PTPRN2: variants seen among roughly 807,000 people sequenced by gnomAD.
The protein encoded by PTPRN2 is protein tyrosine phosphatase receptor type N2, also known as receptor-type tyrosine-protein phosphatase N2.
In PTPRN2, 74 loss-of-function variants were observed where a neutral mutation model predicts 118.8. That is an observed-to-expected ratio of 0.62 (90% CI 0.52 to 0.76). The LOEUF is 0.76. Ranked by LOEUF, PTPRN2 falls within the 30% of genes least tolerant of loss-of-function variation. The pLI is 0.00. For missense variants in PTPRN2, 1,481 were observed against 1,394.4 expected, an observed-to-expected ratio of 1.06 and a Z score of -0.99; for synonymous variants, 641 against 608.0, an observed-to-expected ratio of 1.05 and a Z score of -0.80.
chr7:157,663,339 C>A (rs1334947064), intron 13 of PTPRN2, among the ~76,000 whole-genome samples: 1 of 152,186 alleles, frequency 6.6e-6, no homozygotes, highest in African/African-American at 2.4e-5. Context: ...CCTGCACGTG[C>A]CCCTGGGAAG....
intron 11 of PTPRN2, among the ~76,000 whole-genome samples, chr7:158,080,396 C>G (rs569525511): frequency 6.7e-6 from 1 of 150,294 alleles, no homozygotes. Context: ...TGTCATTTCC[C>G]GCTGTGGCTG....
chr7:157,818,372 C>T (rs944888319), intron 12 of PTPRN2, among the ~76,000 whole-genome samples: 32 of 151,364 alleles, frequency 2.1e-4, no homozygotes, highest in African/African-American at 7.4e-4. Flanking sequence ...GGAAATGACA[C>T]GGGGGCTGTG....
chr7:158,337,337 TAA>T (rs1249055261), intron 2 of PTPRN2, among the ~76,000 whole-genome samples: 673 of 144,822 alleles, frequency 4.6e-3, no homozygotes, highest in African/African-American at 0.017. Flanking sequence ...ACTGTCACCC[TAA>T]GAGGTGACAC....
intron 3 of PTPRN2, among the ~76,000 whole-genome samples, chr7:158,245,860 G>T (rs1796213097): frequency 6.6e-6 from 1 of 152,012 alleles, no homozygotes; most frequent in Admixed American, 6.6e-5. Flanking sequence ...TTATCCCTAT[G>T]CTGACTCACA....
chr7:158,150,751 C>A (rs981187428), intron 6 of PTPRN2, among the ~76,000 whole-genome samples: 1 of 151,952 alleles, frequency 6.6e-6, no homozygotes, highest in Non-Finnish European at 1.5e-5. Flanking sequence ...CTTTCCTGGT[C>A]TGTGAGACGC....
chr7:158,514,358 C>G (rs573252970), intron 1 of PTPRN2, among the ~76,000 whole-genome samples: 4 of 152,162 alleles, frequency 2.6e-5, no homozygotes, highest in African/African-American at 9.7e-5. Context: ...ATGGAGATGA[C>G]CCCAGGATGG....
intron 2 of PTPRN2, among the ~76,000 whole-genome samples, chr7:158,471,268 C>T (rs1819831009): frequency 6.6e-6 from 1 of 151,928 alleles, no homozygotes. Flanking sequence ...CAGCTCCCCT[C>T]CCGCCTCCCC....
chr7:158,460,600 A>T (rs1437859223), intron 2 of PTPRN2, among the ~76,000 whole-genome samples: 2 of 152,124 alleles, frequency 1.3e-5, no homozygotes, highest in Non-Finnish European at 2.9e-5. Context: ...TGTTCCTGCT[A>T]CGGGGGCTGT....
chr7:158,150,595 A>T (rs1244977708), intron 6 of PTPRN2, among the ~76,000 whole-genome samples: 1 of 151,898 alleles, frequency 6.6e-6, no homozygotes, highest in African/African-American at 2.4e-5. Context: ...TCTATATGGA[A>T]AGACCTTTTC....
intron 2 of PTPRN2, among the ~76,000 whole-genome samples, chr7:158,347,139 C>T (rs1281357404): frequency 1.3e-5 from 2 of 152,082 alleles, no homozygotes; most frequent in African/African-American, 4.8e-5. Flanking sequence ...ATTTTGTTGC[C>T]TGTGCTTTGG....
chr7:157,642,996 C>T (rs539194983), intron 14 of PTPRN2, among the ~76,000 whole-genome samples: 17 of 152,178 alleles, frequency 1.1e-4, no homozygotes, highest in Non-Finnish European at 2.4e-4. Flanking sequence ...CCCAAACATC[C>T]AATCAAACCA....
At chr7:158,487,011 C>T (rs1024390018) in intron 2 of PTPRN2, among the ~76,000 whole-genome samples, 2 of 152,194 alleles carry the variant, frequency 1.3e-5, no homozygotes, top group Non-Finnish European at 2.9e-5. Flanking sequence ...ACGTCACATG[C>T]GTGGAATCAT....
rs1487105158 is a variant in PTPRN2 at position 158,236,917 on chromosome 7, C to T, written c.278-31644G>A. ...CCTTGAGATTCTGTTAATCTATGAC[C>T]TTACCCCCAACCCCGTGCTCTGTGA... On this transcript the variant is annotated intron_variant, in intron 3 of 22. Transcript: ENST00000389418. Among the ~76,000 whole-genome samples the T allele has an allele frequency of 3.5e-5, 2 of 56,358 alleles. 1 individual carries two copies. The highest frequency in any genetic ancestry group is 6.3e-5 in the Non-Finnish European group (2 of 31,804). 37.0% of individuals were successfully genotyped at this position (56,358 alleles called of 152,430 possible).
chr7:158,303,252 C>T (rs537555496), intron 3 of PTPRN2, among the ~76,000 whole-genome samples: 30 of 152,034 alleles, frequency 2.0e-4, no homozygotes, highest in African/African-American at 6.8e-4. Context: ...TTAAAAATCA[C>T]GGCTCTGCAC....
intron 10 of PTPRN2, among the ~76,000 whole-genome samples, chr7:158,095,899 C>T (rs2150332633): frequency 6.6e-6 from 1 of 152,282 alleles, no homozygotes; most frequent in South Asian, 2.1e-4. Flanking sequence ...GATTCAAGTC[C>T]TATGGATGAA....
At chr7:157,637,137 G>A (rs763192957) in intron 14 of PTPRN2, among the ~76,000 whole-genome samples, 1 of 151,962 alleles carries the variant, frequency 6.6e-6, no homozygotes, top group South Asian at 2.1e-4. Flanking sequence ...CTCTAGCTTC[G>A]AACATATCCC....
At chr7:158,372,613 C>G (rs1810154770) in intron 2 of PTPRN2, among the ~76,000 whole-genome samples, 1 of 151,190 alleles carries the variant, frequency 6.6e-6, no homozygotes, top group Admixed American at 6.6e-5. Context: ...CTGGTCCCCA[C>G]CACGCTGGTC....
At chr7:158,262,212 A>C (rs1797449393) in intron 3 of PTPRN2, among the ~76,000 whole-genome samples, 1 of 152,190 alleles carries the variant, frequency 6.6e-6, no homozygotes, top group Non-Finnish European at 1.5e-5. Context: ...ACACAGACAC[A>C]AGCATACACA....
At chr7:158,193,981 G>T (rs1201857476) in intron 4 of PTPRN2, among the ~76,000 whole-genome samples, 1 of 151,986 alleles carries the variant, frequency 6.6e-6, no homozygotes, top group African/African-American at 2.4e-5. Context: ...GGCACTTTGG[G>T]AAGTGGAGGC....
Sources: allele counts gnomAD v4.1 joint callset (sites outside exome capture counted in the v4.1 genomes callset), GRCh38; gene constraint gnomAD v4.1.1; transcripts MANE v1.5; gene names NCBI Gene and HGNC (gene_info 2026-07-23, HGNC 2026-07-21).